The following PCDHA8 variants were observed in gnomAD, a reference collection of about 807,000 sequenced individuals.
PCDHA8 encodes protocadherin alpha 8, also known as protocadherin alpha-8.
PCDHA8 carries 53 observed loss-of-function variants against 61.8 expected under a neutral mutation model. The observed-to-expected ratio is 0.86, with a 90% CI of 0.69 to 1.08. PCDHA8 has a LOEUF of 1.08. PCDHA8 is among the 50% of genes least tolerant of loss of function. The pLI, the probability that PCDHA8 is intolerant of heterozygous loss-of-function variation, is 0.00. For missense variants in PCDHA8, 1,293 were observed against 1,245.0 expected, an observed-to-expected ratio of 1.04 and a Z score of -0.58; for synonymous variants, 618 against 556.6, an observed-to-expected ratio of 1.11 and a Z score of -1.55.
chr5:140,935,828 A>G (rs1365293166), intron 1 of PCDHA8, among the ~76,000 whole-genome samples: 1 of 152,004 alleles, frequency 6.6e-6, no homozygotes, highest in Non-Finnish European at 1.5e-5. Context: ...GTATTTACAC[A>G]TATTCCATAC....
chr5:140,883,504 C>A, intron 1 of PCDHA8: 1 of 1,614,172 alleles, frequency 6.2e-7, no homozygotes, highest in Non-Finnish European at 8.5e-7. Context: ...TGGACAGCGC[C>A]CTGGACCGCG....
intron 1 of PCDHA8, chr5:140,870,111 G>A (rs112749867): frequency 6.8e-6 from 11 of 1,613,880 alleles, no homozygotes; most frequent in Non-Finnish European, 9.3e-6. Flanking sequence ...GTACAGTCTG[G>A]GTGGAAATCT....
chr5:140,941,403 G>A lies in PCDHA8; in HGVS notation c.2395-37546G>A, dbSNP rs527986544. Among the ~76,000 whole-genome samples, 769 of 142,382 alleles carry A rather than the reference G, an allele frequency of 5.4e-3. 3 individuals carry two copies. The highest frequency in any genetic ancestry group is 0.019 in the African/African-American group (737 of 38,338). The allele number at this position is 142,382 out of a possible 152,430, so 93.4% of individuals were successfully genotyped here. On this transcript the variant is annotated intron_variant, in intron 1 of 3. Coordinates refer to ENST00000531613, the MANE Select transcript of PCDHA8 (RefSeq NM_018911.3). ...AGGATTTTGGCTCACTGCAACCTCC[G>A]CCTCCCGGGTTCAAGCAATTCTCTG...
Position 140,849,743 on chromosome 5 carries a change from G to C in PCDHA8, c.2394+6028G>C. The C allele has an allele frequency of 1.9e-6, 3 of 1,598,504 alleles. No individual in the cohort carries two copies. The highest frequency in any genetic ancestry group is 2.6e-6 in the Non-Finnish European group (3 of 1,168,014). On this transcript the variant is annotated intron_variant, in intron 1 of 3. Transcript: ENST00000531613. ...TGCTGGACAGAGCTCTGGACCGCGA[G>C]AGTGTGTCCGCCTACGAGCTGGTGG...
intron 1 of PCDHA8, chr5:140,882,816 A>G (rs2059323174): frequency 1.9e-6 from 3 of 1,614,266 alleles, no homozygotes; most frequent in Non-Finnish European, 1.7e-6. Flanking sequence ...TTGGACGCAC[A>G]AAACAGTCTT....
chr5:140,895,253 C>CT (rs1411327383), intron 1 of PCDHA8, among the ~76,000 whole-genome samples: 1 of 151,966 alleles, frequency 6.6e-6, no homozygotes. Context: ...TCAAAGCTTT[C>CT]TTTTTTTTCT....
intron 1 of PCDHA8, among the ~76,000 whole-genome samples, chr5:140,945,169 AAAAT>A (rs1302154201): frequency 2.0e-5 from 3 of 152,164 alleles, no homozygotes; most frequent in Non-Finnish European, 4.4e-5. Context: ...AACTATCTGA[AAAAT>A]AAATCAAGAA....
chr5:140,879,390 A>T (rs2057972127), intron 1 of PCDHA8, among the ~76,000 whole-genome samples: 1 of 152,202 alleles, frequency 6.6e-6, no homozygotes, highest in Admixed American at 6.5e-5. Context: ...TTGGAGAAAC[A>T]GTTTGTGTGT....
intron 3 of PCDHA8, among the ~76,000 whole-genome samples, chr5:141,002,971 T>C (rs138459473): frequency 6.6e-6 from 1 of 152,274 alleles, no homozygotes; most frequent in African/African-American, 2.4e-5. Flanking sequence ...TTCCTGAAAA[T>C]AGTATCCTTG....
At chr5:140,982,252 C>A in intron 2 of PCDHA8, 2 of 770,940 alleles carry the variant, frequency 2.6e-6, no homozygotes, top group South Asian at 2.6e-5. Flanking sequence ...AAAGATAGAA[C>A]ATGTGTGTTC....
chr5:140,884,371 C>T, intron 1 of PCDHA8: 2 of 1,613,948 alleles, frequency 1.2e-6, no homozygotes, highest in Non-Finnish European at 1.7e-6. Flanking sequence ...TTTACTTGAT[C>T]ATTGCCATCT....
intron 1 of PCDHA8, among the ~76,000 whole-genome samples, chr5:140,932,376 A>G (rs2088262778): frequency 6.6e-6 from 1 of 151,964 alleles, no homozygotes; most frequent in African/African-American, 2.4e-5. Context: ...TTTCCACATG[A>G]AAGTTATACA....
chr5:141,010,105 G>A lies in PCDHA8; in HGVS notation c.*168G>A. 6.2e-7 allele frequency: 1 copy of A among 1,612,150 alleles called. No homozygotes were observed. Among genetic ancestry groups the A allele is most frequent in the African/African-American group, 1.3e-5 (1 of 74,962 alleles). The stretch of plus-strand genomic sequence containing the variant: ...GTCTAGAACGCATTTAACAGGTTTT[G>A]TCGTAAAAGCTTTACTAAGTCTGGT... On this transcript the variant is annotated 3_prime_UTR_variant, in exon 4 of 4. Transcript: ENST00000531613.
intron 1 of PCDHA8, among the ~76,000 whole-genome samples, chr5:140,961,980 T>C (rs909552255): frequency 6.6e-6 from 1 of 151,768 alleles, no homozygotes; most frequent in Non-Finnish European, 1.5e-5. Context: ...GCCTCCTGGG[T>C]TCACGCCATT....
At chr5:140,870,389 G>A (rs1262225558) in intron 1 of PCDHA8, 1 of 1,614,132 alleles carries the variant, frequency 6.2e-7, no homozygotes, top group Non-Finnish European at 8.5e-7. Context: ...GCGCGGGATG[G>A]GGGTTCGCCT....
intron 1 of PCDHA8, chr5:140,967,313 C>T: frequency 6.2e-7 from 1 of 1,611,052 alleles, no homozygotes; most frequent in Non-Finnish European, 8.5e-7. Flanking sequence ...CAACTCAGTA[C>T]AGACCTACGA....
intron 1 of PCDHA8, chr5:140,859,465 T>A: frequency 4.7e-6 from 1 of 214,084 alleles, no homozygotes; most frequent in Non-Finnish European, 9.1e-6. Flanking sequence ...AAAACTACAC[T>A]ATCAATTGTG....
At chr5:140,972,660 A>ATTTTTTTTTTTTTTTTTTTTTTTTTT (rs11350929) in intron 1 of PCDHA8, among the ~76,000 whole-genome samples, 1 of 117,268 alleles carries the variant, frequency 8.5e-6, no homozygotes, top group Non-Finnish European at 1.7e-5. Context: ...AAGAAACCAA[A>ATTTTTTTTTTTTTTTTTTTTTTTTTT]TTTTTTTTTT....
intron 1 of PCDHA8, among the ~76,000 whole-genome samples, chr5:140,902,858 C>T (rs1275375548): frequency 6.6e-6 from 1 of 152,110 alleles, no homozygotes; most frequent in African/African-American, 2.4e-5. Context: ...AAATGGCGTC[C>T]AGGTCCACCC....
Sources: gnomAD v4.1 joint callset for allele counts (sites outside exome capture counted in the v4.1 genomes callset) on GRCh38, gnomAD v4.1.1 for gene constraint, MANE v1.5 for transcripts, NCBI Gene and HGNC (gene_info 2026-07-23, HGNC 2026-07-21) for gene names.